FNIP1: variants seen among roughly 807,000 people sequenced by gnomAD.
The protein encoded by FNIP1 is folliculin interacting protein 1.
FNIP1 carries 40 observed loss-of-function variants against 124.5 expected under a neutral mutation model. The observed-to-expected ratio is 0.32, with a 90% confidence interval of 0.25 to 0.42. The LOEUF (loss-of-function observed/expected upper bound fraction) is 0.42. Ranked by LOEUF, FNIP1 falls within the 10% of genes least tolerant of loss-of-function variation. The pLI is 1.00. For missense variants in FNIP1, 1,176 were observed against 1,403.7 expected (o/e 0.84, Z 2.59); for synonymous variants, 472 against 470.6 (o/e 1.00, Z -0.04).
intron 3 of FNIP1, among the ~76,000 whole-genome samples, chr5:131,720,356 AAAGGCTTACATGT>A (rs1380520861): frequency 6.6e-6 from 1 of 152,232 alleles, no homozygotes; most frequent in Non-Finnish European, 1.5e-5. Flanking sequence ...AATATAGATT[AAAGGCTTACATGT>A]ATGACCTGAA....
chr5:131,780,631 G>A lies in FNIP1; in HGVS notation c.92+16199C>T, dbSNP rs183106182. ...TTTCATTATTATTTGACCTATTATG[G>A]TGATCTGTGATCAGTGATCTTTGAT... On this transcript the variant is annotated intron_variant, in intron 1 of 17. Coordinates refer to ENST00000510461, the MANE Select transcript of FNIP1 (RefSeq NM_133372.3). Among the ~76,000 whole-genome samples the A allele has an allele frequency of 7.9e-5, 12 of 152,012 alleles. No individual in the cohort carries two copies. In the East Asian group the frequency reaches 1.9e-3, roughly 24 times the overall value.
chr5:131,684,355 G>C (rs916657096), intron 11 of FNIP1, among the ~76,000 whole-genome samples: 5 of 152,114 alleles, frequency 3.3e-5, no homozygotes, highest in African/African-American at 1.2e-4. Context: ...GTTAGCAAGT[G>C]GGTGAATTCT....
At chr5:131,754,450 T>C (rs2149567752) in intron 1 of FNIP1, among the ~76,000 whole-genome samples, 1 of 152,332 alleles carries the variant, frequency 6.6e-6, no homozygotes, top group African/African-American at 2.4e-5. Flanking sequence ...CTAGTAAATG[T>C]GTCAAAGCTG....
At chr5:131,693,313 T>C (rs13170668) in intron 11 of FNIP1, among the ~76,000 whole-genome samples, 2,201 of 20,144 alleles carry the variant, frequency 0.11, 86 homozygotes, top group South Asian at 0.19. Context: ...TATATATATA[T>C]ATACACATAT....
chr5:131,762,709 C>T (rs1771272219), intron 1 of FNIP1, among the ~76,000 whole-genome samples: 1 of 152,022 alleles, frequency 6.6e-6, no homozygotes, highest in South Asian at 2.1e-4. Flanking sequence ...AAACTAAAAA[C>T]AGAATTACTG....
At chr5:131,663,859 A>G (rs1767517178) in intron 15 of FNIP1, among the ~76,000 whole-genome samples, 1 of 152,242 alleles carries the variant, frequency 6.6e-6, no homozygotes, top group Non-Finnish European at 1.5e-5. Flanking sequence ...CTGGAAAAAC[A>G]GTTTTATATA....
rs532454550 is a variant in FNIP1 at position 131,781,424 on chromosome 5, C to A, written c.92+15406G>T. ...CCAGACAGGAGAAATCAATGCCTGG[C>A]TTCCAAGCTTTAAAGGACAGGCTGA... On this transcript the variant is annotated intron_variant, in intron 1 of 17. Coordinates refer to ENST00000510461, the MANE Select transcript of FNIP1 (RefSeq NM_133372.3). 2.6e-5 allele frequency among the ~76,000 whole-genome samples: 4 copies of A among 152,334 alleles called. No homozygotes were observed. The South Asian group carries it at 8.3e-4, about 32-fold the overall frequency.
At chr5:131,756,802 T>C (rs1771066416) in intron 1 of FNIP1, among the ~76,000 whole-genome samples, 2 of 152,096 alleles carry the variant, frequency 1.3e-5, no homozygotes, top group African/African-American at 2.4e-5. Flanking sequence ...ATTTGAGATA[T>C]AAAAGTCCAG....
At chr5:131,771,681 C>T (rs1476577503) in intron 1 of FNIP1, among the ~76,000 whole-genome samples, 1 of 152,180 alleles carries the variant, frequency 6.6e-6, no homozygotes, top group Non-Finnish European at 1.5e-5. Context: ...AAGCGTTCCT[C>T]TCCCTCTCCA....
intron 15 of FNIP1, among the ~76,000 whole-genome samples, chr5:131,656,256 C>T (rs894094701): frequency 6.6e-6 from 1 of 152,136 alleles, no homozygotes; most frequent in African/African-American, 2.4e-5. Context: ...ACAAGAAAAA[C>T]TTGAATGGCT....
intron 3 of FNIP1, among the ~76,000 whole-genome samples, chr5:131,722,291 T>C (rs1445719515): frequency 6.6e-6 from 1 of 152,198 alleles, no homozygotes; most frequent in Non-Finnish European, 1.5e-5. Flanking sequence ...AAGCCCAGTA[T>C]CATACCTAGA....
chr5:131,662,038 C>T (rs1206360341), intron 15 of FNIP1, among the ~76,000 whole-genome samples: 1 of 152,206 alleles, frequency 6.6e-6, no homozygotes, highest in Non-Finnish European at 1.5e-5. Flanking sequence ...TGGGGATACT[C>T]TCTCTTGGTC....
intron 16 of FNIP1, among the ~76,000 whole-genome samples, chr5:131,648,822 C>T (rs533549496): frequency 8.7e-4 from 132 of 152,282 alleles, no homozygotes; most frequent in African/African-American, 3.0e-3. Context: ...TCTCTTCTTA[C>T]CCGCAGCCCC....
chr5:131,669,281 A>G (rs1320903735), intron 15 of FNIP1, among the ~76,000 whole-genome samples: 2 of 152,182 alleles, frequency 1.3e-5, no homozygotes, highest in African/African-American at 2.4e-5. Flanking sequence ...ACGTTTAGAG[A>G]AAAAAAGTAG....
At chr5:131,674,731 A>G (rs1387609890) in intron 13 of FNIP1, among the ~76,000 whole-genome samples, 1 of 152,210 alleles carries the variant, frequency 6.6e-6, no homozygotes, top group Non-Finnish European at 1.5e-5. Context: ...AAAGAAAGAA[A>G]AAAAAAGGAG....
In FNIP1 at chr5:131,672,559, C is replaced by G. The variant is rs1767793935; in HGVS notation, c.1885G>C (p.Glu629Gln). Residue 629 changes from glutamate (E) to glutamine (Q), a missense_variant, in exon 14 of 18, where the codon GAG (glutamate) becomes CAG (glutamine). This residue lies in a region of FNIP1 where 1,109 missense variants were observed against 1,288.5 expected (regional missense o/e 0.86). Transcript: ENST00000510461. The stretch of plus-strand genomic sequence containing the variant: ...GAGCTGTTTTGAATATCTTCTCTCT[C>G]TTGTTGTGAAATGTTCTCTACATTT... ...GQNVENISQQ[E>Q]REDIQNSSKE... 1.2e-6 allele frequency: 2 copies of G among 1,614,078 alleles called. No individual in the cohort carries two copies. Among genetic ancestry groups the G allele is most frequent in the Middle Eastern group, 1.6e-4 (1 of 6,062 alleles).
chr5:131,776,309 AT>A (rs2149580846), intron 1 of FNIP1, among the ~76,000 whole-genome samples: 1 of 152,370 alleles, frequency 6.6e-6, no homozygotes, highest in South Asian at 2.1e-4. Context: ...TACACAACAT[AT>A]TTAGGAATGC....
At chr5:131,664,211 A>C (rs1767526101) in intron 15 of FNIP1, among the ~76,000 whole-genome samples, 1 of 152,218 alleles carries the variant, frequency 6.6e-6, no homozygotes, top group Non-Finnish European at 1.5e-5. Context: ...TTTCTTAGTG[A>C]ATTGATCTAC....
At chr5:131,795,422 C>T (rs1772550634) in intron 1 of FNIP1, among the ~76,000 whole-genome samples, 1 of 152,150 alleles carries the variant, frequency 6.6e-6, no homozygotes, top group Admixed American at 6.5e-5. Flanking sequence ...AACCTACGTA[C>T]CCAAAGTCAA....
Sources: allele counts gnomAD v4.1 joint callset (sites outside exome capture counted in the v4.1 genomes callset), GRCh38; gene constraint gnomAD v4.1.1; regional missense constraint gnomAD v4.1.1; transcripts MANE v1.5; gene names NCBI Gene and HGNC (gene_info 2026-07-23, HGNC 2026-07-21).